The following SPIN1 variants were observed in gnomAD, a reference collection of about 807,000 sequenced individuals.
The protein encoded by SPIN1 is spindlin 1, also known as spindlin-1.
SPIN1 carries 3 observed loss-of-function variants against 26.0 expected under a neutral mutation model. The ratio of observed to expected loss-of-function variants is 0.12; its 90% confidence interval spans 0.05 to 0.30. SPIN1 has a LOEUF of 0.30. Among genes scored for constraint, SPIN1 ranks in the 10% least tolerant of loss-of-function variants. The pLI, the probability that SPIN1 is intolerant of heterozygous loss-of-function variation, is 1.00. For missense variants in SPIN1, 126 were observed against 333.4 expected (o/e 0.38, Z 4.84); for synonymous variants, 101 against 116.5 (o/e 0.87, Z 0.86).
intron 2 of SPIN1, 70 bp from the exon 3 acceptor site, chr9:88,448,871 T>TG: frequency 6.8e-7 from 1 of 1,466,972 alleles, no homozygotes; most frequent in Non-Finnish European, 9.5e-7. Flanking sequence ...TTTCAGAAGT[T>TG]AAGATTTCCT....
At chr9:88,405,469 C>A (rs1337003214) in intron 1 of SPIN1, among the ~76,000 whole-genome samples, 1 of 151,608 alleles carries the variant, frequency 6.6e-6, no homozygotes, top group African/African-American at 2.4e-5. Context: ...CCTCGTGATC[C>A]GCCCACCTCG....
At chr9:88,463,843 C>G (rs1161295426) in intron 4 of SPIN1, among the ~76,000 whole-genome samples, 2 of 152,194 alleles carry the variant, frequency 1.3e-5, no homozygotes, top group African/African-American at 4.8e-5. Flanking sequence ...ATCACCTGCT[C>G]TTCCTCTTGA....
At chr9:88,400,879 G>T (rs1827172680) in intron 1 of SPIN1, among the ~76,000 whole-genome samples, 1 of 151,786 alleles carries the variant, frequency 6.6e-6, no homozygotes, top group East Asian at 1.9e-4. Flanking sequence ...CGGGTGTGGT[G>T]GCTTGTGCCT....
chr9:88,443,699 C>T (rs772147424), intron 2 of SPIN1, among the ~76,000 whole-genome samples: 6 of 152,158 alleles, frequency 3.9e-5, no homozygotes, highest in African/African-American at 1.2e-4. Context: ...GTAGTGGTAA[C>T]GTATGCCGGG....
chr9:88,437,001 G>A lies in SPIN1; in HGVS notation c.52+10410G>A, dbSNP rs375515560. ...GGGATGGTCTCGATCTCCTGACCTC[G>A]TGATCCGCCCGCCTCGGCCTCCCAA... On this transcript the variant is annotated intron_variant, in intron 2 of 5. Coordinates refer to ENST00000375859, the MANE Select transcript of SPIN1 (RefSeq NM_006717.3). Among the ~76,000 whole-genome samples, 202 of 151,790 alleles carry A rather than the reference G, an allele frequency of 1.3e-3. 1 individual carries two copies. Among genetic ancestry groups the A allele is most frequent in the African/African-American group, 4.6e-3 (190 of 41,484 alleles).
chr9:88,452,219 A>C (rs1249318867), intron 3 of SPIN1, among the ~76,000 whole-genome samples: 1 of 152,172 alleles, frequency 6.6e-6, no homozygotes, highest in Non-Finnish European at 1.5e-5. Flanking sequence ...TCAAGTAGGA[A>C]CTGTGACCCC....
At chr9:88,432,779 G>A (rs1013563180) in intron 2 of SPIN1, among the ~76,000 whole-genome samples, 1 of 151,974 alleles carries the variant, frequency 6.6e-6, no homozygotes, top group Admixed American at 6.6e-5. Context: ...GAGCCACTGC[G>A]CCTGGCCCAT....
intron 5 of SPIN1, among the ~76,000 whole-genome samples, chr9:88,472,562 G>A (rs1255864474): frequency 2.0e-5 from 3 of 150,414 alleles, no homozygotes; most frequent in Non-Finnish European, 4.4e-5. Flanking sequence ...GCACGATCTT[G>A]GCTCACTACA....
intron 1 of SPIN1, among the ~76,000 whole-genome samples, chr9:88,407,919 T>C (rs1251608658): frequency 2.0e-5 from 3 of 151,742 alleles, no homozygotes; most frequent in Non-Finnish European, 4.4e-5. Flanking sequence ...AGCCACCCCA[T>C]GCTTGGCTAT....
intron 1 of SPIN1, among the ~76,000 whole-genome samples, chr9:88,424,120 A>G (rs1166083458): frequency 6.6e-6 from 1 of 152,170 alleles, no homozygotes. Context: ...AAATGTATAC[A>G]GAGAAAAAGT....
chr9:88,409,238 G>C (rs532491695), intron 1 of SPIN1, among the ~76,000 whole-genome samples: 1 of 150,638 alleles, frequency 6.6e-6, no homozygotes, highest in Admixed American at 6.6e-5. Flanking sequence ...CAGGTGATCT[G>C]CCCGCCTCGG....
chr9:88,457,801 A>G (rs1008451333), intron 3 of SPIN1: 3 of 973,616 alleles, frequency 3.1e-6, no homozygotes, highest in Admixed American at 1.2e-4. Context: ...ATGTATCTAG[A>G]AAGACAGAAT....
chr9:88,434,084 A>G (rs904689741), intron 2 of SPIN1, among the ~76,000 whole-genome samples: 1 of 152,072 alleles, frequency 6.6e-6, no homozygotes, highest in African/African-American at 2.4e-5. Flanking sequence ...GTAGATGAGG[A>G]TTGGTTTAGA....
At chr9:88,472,601 G>A (rs910974279) in intron 5 of SPIN1, among the ~76,000 whole-genome samples, 14 of 149,600 alleles carry the variant, frequency 9.4e-5, no homozygotes, top group African/African-American at 3.2e-4. Context: ...CAGGCAATTC[G>A]TCTACCTCAG....
intron 3 of SPIN1, among the ~76,000 whole-genome samples, chr9:88,452,410 A>G (rs1350890660): frequency 5.3e-5 from 8 of 152,194 alleles, no homozygotes; most frequent in Admixed American, 6.5e-5. Context: ...GAAATTGGTT[A>G]TTTCAGTCGT....
intron 3 of SPIN1, among the ~76,000 whole-genome samples, chr9:88,457,640 T>A (rs960010337): frequency 6.6e-6 from 1 of 152,204 alleles, no homozygotes; most frequent in Non-Finnish European, 1.5e-5. Flanking sequence ...AATGAAAGTT[T>A]TTTTTTTCTC....
intron 1 of SPIN1, among the ~76,000 whole-genome samples, chr9:88,407,484 G>T (rs867239907): frequency 1.8e-4 from 27 of 151,444 alleles, no homozygotes; most frequent in African/African-American, 5.6e-4. Context: ...AGAATTCTAA[G>T]TTGTCAGTTT....
rs1182722552 is a variant in SPIN1 at position 88,426,401 on chromosome 9, AT to A, written c.-134del. ...TTACAGAGTGCTTGTGATTTCACGT[AT>A]TTTTGCTGAACTCGTAAAAGAGACA... is the stretch of plus-strand genomic sequence containing the variant. On this transcript the variant is annotated 5_prime_UTR_variant, in exon 2 of 6. Coordinates refer to ENST00000375859, the MANE Select transcript of SPIN1 (RefSeq NM_006717.3). The A allele has an allele frequency of 1.6e-5, 10 of 617,848 alleles. No homozygotes were observed. The highest frequency in any genetic ancestry group is 2.6e-5 in the Non-Finnish European group (9 of 348,406). 38.3% of individuals were successfully genotyped at this position (617,848 alleles called of 1,614,324 possible). A position where few individuals can be genotyped will look rare whatever the true frequency, so the allele number is the denominator to read the frequency against.
At chr9:88,453,638 C>T (rs533685577) in intron 3 of SPIN1, among the ~76,000 whole-genome samples, 5 of 151,940 alleles carry the variant, frequency 3.3e-5, no homozygotes, top group South Asian at 4.1e-4. Flanking sequence ...GCGATTCTTC[C>T]GCCTCAGCCT....
Sources: allele counts gnomAD v4.1 joint callset (sites outside exome capture counted in the v4.1 genomes callset), GRCh38; gene constraint gnomAD v4.1.1; transcripts MANE v1.5; gene names NCBI Gene and HGNC (gene_info 2026-07-23, HGNC 2026-07-21).